The following ANKFN1 variants were observed in gnomAD, a reference collection of about 807,000 sequenced individuals.
ANKFN1 encodes the protein ankyrin repeat and fibronectin type III domain containing 1, also known as ankyrin repeat and fibronectin type-III domain-containing protein 1.
ANKFN1 carries 74 observed loss-of-function variants against 108.7 expected under a neutral mutation model. That is an observed-to-expected ratio of 0.68 (90% confidence interval 0.56 to 0.83). The LOEUF (loss-of-function observed/expected upper bound fraction) is 0.83. ANKFN1 is among the 40% of genes least tolerant of loss of function. The pLI, the probability that ANKFN1 is intolerant of heterozygous loss-of-function variation, is 0.00. For synonymous variants in ANKFN1, 547 were observed against 516.2 expected, an observed-to-expected ratio of 1.06 and a Z score of -0.81; for missense variants, 1,505 against 1,382.3, an observed-to-expected ratio of 1.09 and a Z score of -1.41.
At chr17:56,450,011 T>G (rs2049429995) in intron 11 of ANKFN1, among the ~76,000 whole-genome samples, 1 of 152,200 alleles carries the variant, frequency 6.6e-6, no homozygotes, top group Non-Finnish European at 1.5e-5. Flanking sequence ...TAACGATTCG[T>G]GGAAGAGGTA....
At chr17:56,361,104 C>T (rs976877931) in intron 6 of ANKFN1, among the ~76,000 whole-genome samples, 1 of 152,040 alleles carries the variant, frequency 6.6e-6, no homozygotes, top group South Asian at 2.1e-4. Context: ...CTGTGTGTGG[C>T]TTTTTTTACT....
At chr17:56,301,848 G>T (rs537471045) in intron 3 of ANKFN1, among the ~76,000 whole-genome samples, 2 of 152,206 alleles carry the variant, frequency 1.3e-5, no homozygotes, top group Non-Finnish European at 2.9e-5. Context: ...CAACTGACAG[G>T]AAGTAGCCAG....
chr17:56,149,017 CG>C (rs1243198227), upstream of ANKFN1, among the ~76,000 whole-genome samples: 6 of 152,098 alleles, frequency 3.9e-5, no homozygotes, highest in Non-Finnish European at 7.3e-5. Flanking sequence ...TCAGGTCACA[CG>C]GGGAGCAAAT....
chr17:56,257,442 C>T (rs1301992168), intron 3 of ANKFN1, among the ~76,000 whole-genome samples: 1 of 152,220 alleles, frequency 6.6e-6, no homozygotes, highest in Non-Finnish European at 1.5e-5. Context: ...CTCTGTCTTG[C>T]TCATACATCT....
chr17:56,185,725 A>G (rs879842123), intron 1 of ANKFN1, among the ~76,000 whole-genome samples: 1 of 152,188 alleles, frequency 6.6e-6, no homozygotes, highest in Non-Finnish European at 1.5e-5. Context: ...CAAGTTGCAG[A>G]CTATTAAGTC....
chr17:56,456,040 T>C (rs1470874752), intron 11 of ANKFN1, among the ~76,000 whole-genome samples: 1 of 152,200 alleles, frequency 6.6e-6, no homozygotes, highest in Admixed American at 6.5e-5. Flanking sequence ...GACGAGATGA[T>C]ATGGGTGGGG....
At chr17:56,388,126 T>C (rs929141587) in intron 8 of ANKFN1, among the ~76,000 whole-genome samples, 2 of 152,072 alleles carry the variant, frequency 1.3e-5, no homozygotes, top group Non-Finnish European at 2.9e-5. Context: ...ATTTCTTTCT[T>C]TTTTTCTTTT....
chr17:56,271,438 T>C (rs1283003037), intron 3 of ANKFN1, among the ~76,000 whole-genome samples: 1 of 152,102 alleles, frequency 6.6e-6, no homozygotes, highest in Non-Finnish European at 1.5e-5. Context: ...TTTAAATGAG[T>C]GTGTGACTGA....
chr17:56,072,710 A>G (rs1261060962), intron 4 of ANKFN1, among the ~76,000 whole-genome samples: 1 of 152,218 alleles, frequency 6.6e-6, no homozygotes, highest in East Asian at 1.9e-4. Context: ...GAGACAATCA[A>G]TGTAAGTCAC....
chr17:56,153,856 G>C (rs2143453415), intron 1 of ANKFN1, among the ~76,000 whole-genome samples: 1 of 152,216 alleles, frequency 6.6e-6, no homozygotes, highest in African/African-American at 2.4e-5. Flanking sequence ...TATAAAGCAA[G>C]GAAACCAGGG....
intron 4 of ANKFN1, among the ~76,000 whole-genome samples, chr17:56,344,723 G>A (rs534982911): frequency 1.3e-5 from 2 of 151,928 alleles, no homozygotes; most frequent in African/African-American, 4.8e-5. Flanking sequence ...AAGTCAGAGC[G>A]AATGAAGATA....
chr17:56,288,474 T>C (rs1434472902), intron 3 of ANKFN1, among the ~76,000 whole-genome samples: 1 of 152,166 alleles, frequency 6.6e-6, no homozygotes, highest in Non-Finnish European at 1.5e-5. Context: ...ATTTTTTTGT[T>C]TGCTTATTTA....
chr17:56,265,269 G>A (rs2043618938), intron 3 of ANKFN1, among the ~76,000 whole-genome samples: 1 of 152,148 alleles, frequency 6.6e-6, no homozygotes, highest in African/African-American at 2.4e-5. Flanking sequence ...CAAGGCTGGA[G>A]AGGACTCAGG....
chr17:56,075,547 G>A (rs1028489615), intron 4 of ANKFN1, among the ~76,000 whole-genome samples: 2 of 152,080 alleles, frequency 1.3e-5, no homozygotes, highest in Non-Finnish European at 2.9e-5. Context: ...TAAGAACAAT[G>A]GAGGTACTTT....
intron 8 of ANKFN1, among the ~76,000 whole-genome samples, chr17:56,406,656 T>G (rs75493331): frequency 0.029 from 4,374 of 152,252 alleles, 151 homozygotes; most frequent in Non-Finnish European, 0.036. Context: ...CATTATCCAT[T>G]GCGACTCCAG....
intron 1 of ANKFN1, among the ~76,000 whole-genome samples, chr17:56,202,424 G>A (rs188626760): frequency 3.9e-5 from 6 of 152,194 alleles, no homozygotes; most frequent in African/African-American, 1.4e-4. Context: ...ACTAGTGGGG[G>A]CCTTCTTAGG....
chr17:56,143,295 A>T (rs1908040624), intron 4 of ANKFN1, among the ~76,000 whole-genome samples: 1 of 152,186 alleles, frequency 6.6e-6, no homozygotes, highest in African/African-American at 2.4e-5. Context: ...AAGGGATTCC[A>T]GGATCCTGCC....
chr17:56,098,178 A>C (rs543059112), intron 4 of ANKFN1, among the ~76,000 whole-genome samples: 76 of 152,218 alleles, frequency 5.0e-4, no homozygotes, highest in African/African-American at 1.7e-3. Context: ...GAATGGATTC[A>C]CCCCTAGAGC....
chr17:56,460,995 A>G (rs1480018904), intron 14 of ANKFN1, among the ~76,000 whole-genome samples: 2 of 152,234 alleles, frequency 1.3e-5, no homozygotes, highest in Non-Finnish European at 2.9e-5. Flanking sequence ...GAAGCAGATG[A>G]TGCTGCCAAA....
Sources: allele counts gnomAD v4.1 joint callset (sites outside exome capture counted in the v4.1 genomes callset), GRCh38; gene constraint gnomAD v4.1.1; transcripts MANE v1.5; gene names NCBI Gene and HGNC (gene_info 2026-07-23, HGNC 2026-07-21).